The following ZMAT4 variants were observed in gnomAD, a reference collection of about 807,000 sequenced individuals.
ZMAT4 encodes the protein zinc finger matrin-type protein 4.
In ZMAT4, 17 loss-of-function variants were observed where a neutral mutation model predicts 28.7. That is an observed-to-expected ratio of 0.59 (90% confidence interval 0.41 to 0.89). The LOEUF is 0.89. Ranked by LOEUF, ZMAT4 falls within the 40% of genes least tolerant of loss-of-function variation. The pLI is 0.00. For synonymous variants in ZMAT4, 117 were observed against 109.2 expected, an observed-to-expected ratio of 1.07 and a Z score of -0.44; for missense variants, 240 against 283.8, an observed-to-expected ratio of 0.85 and a Z score of 1.11.
intron 3 of ZMAT4, among the ~76,000 whole-genome samples, chr8:40,748,463 C>T (rs936546012): frequency 6.6e-6 from 1 of 152,130 alleles, no homozygotes; most frequent in African/African-American, 2.4e-5. Flanking sequence ...GGGAATACAA[C>T]CAGCTGCTCC....
At chr8:40,842,032 G>A (rs1816721623) in intron 1 of ZMAT4, among the ~76,000 whole-genome samples, 1 of 152,230 alleles carries the variant, frequency 6.6e-6, no homozygotes, top group South Asian at 2.1e-4. Flanking sequence ...ATGCCTCTGT[G>A]ATCAGAAACA....
rs1178533665 is a variant in ZMAT4, at chr8:40,589,568, T to C, written c.578-8307A>G. On this transcript the variant is annotated intron_variant, in intron 5 of 6. Transcript: ENST00000297737. ...CTATATATTTTTAAAGCTTAAAGGT[T>C]TGAAGAAACCATTGGTCCCTCCAGA... 3.3e-5 allele frequency among the ~76,000 whole-genome samples: 5 copies of C among 152,256 alleles called. No homozygotes were observed. In the East Asian group the frequency reaches 9.7e-4, roughly 29 times the overall value.
At chr8:40,868,752 G>A (rs1170882824) in intron 1 of ZMAT4, among the ~76,000 whole-genome samples, 2 of 152,132 alleles carry the variant, frequency 1.3e-5, no homozygotes, top group African/African-American at 4.8e-5. Context: ...TGCCTTAACA[G>A]GCTTTTGAGA....
chr8:40,844,248 G>T (rs1245958109), intron 1 of ZMAT4, among the ~76,000 whole-genome samples: 1 of 152,220 alleles, frequency 6.6e-6, no homozygotes, highest in Non-Finnish European at 1.5e-5. Flanking sequence ...TGGTAAAACA[G>T]TATTTCTGGG....
intron 3 of ZMAT4, among the ~76,000 whole-genome samples, chr8:40,709,873 C>A (rs1810523952): frequency 6.6e-6 from 1 of 151,790 alleles, no homozygotes; most frequent in Non-Finnish European, 1.5e-5. Flanking sequence ...TCTGTCTCTA[C>A]TAAAAATAAA....
intron 5 of ZMAT4, among the ~76,000 whole-genome samples, chr8:40,599,362 A>T (rs4736873): frequency 0.072 from 10,945 of 152,026 alleles, 876 homozygotes; most frequent in East Asian, 0.46. Flanking sequence ...ACACACATAC[A>T]TATGTATACA....
intron 6 of ZMAT4, among the ~76,000 whole-genome samples, chr8:40,558,586 T>A (rs985455908): frequency 6.6e-6 from 1 of 152,058 alleles, no homozygotes; most frequent in African/African-American, 2.4e-5. Flanking sequence ...AATAGTGCTA[T>A]TTAGAAATAA....
At chr8:40,555,400 T>C (rs1803502714) in intron 6 of ZMAT4, among the ~76,000 whole-genome samples, 1 of 152,160 alleles carries the variant, frequency 6.6e-6, no homozygotes. Flanking sequence ...AATCACCATC[T>C]CAGATATACT....
intron 2 of ZMAT4, among the ~76,000 whole-genome samples, chr8:40,824,876 C>G (rs1815976699): frequency 6.6e-6 from 1 of 152,174 alleles, no homozygotes; most frequent in Non-Finnish European, 1.5e-5. Context: ...GTTCTCTTTA[C>G]TCAATCCACA....
intron 5 of ZMAT4, among the ~76,000 whole-genome samples, chr8:40,636,126 C>T (rs1806782164): frequency 6.6e-6 from 1 of 152,206 alleles, no homozygotes; most frequent in Admixed American, 6.5e-5. Context: ...TCATACATGC[C>T]TCTCAATATT....
At chr8:40,740,792 G>A (rs112265670) in intron 3 of ZMAT4, among the ~76,000 whole-genome samples, 1,843 of 152,258 alleles carry the variant, frequency 0.012, 32 homozygotes, top group African/African-American at 0.04. Flanking sequence ...GAACGAACTG[G>A]GGGCTGGTGT....
intron 6 of ZMAT4, among the ~76,000 whole-genome samples, chr8:40,537,087 T>C (rs1342350533): frequency 6.6e-6 from 1 of 152,092 alleles, no homozygotes; most frequent in Non-Finnish European, 1.5e-5. Flanking sequence ...GAAGCCTATG[T>C]AGTCTGATTG....
At chr8:40,556,009 C>A (rs1803522413) in intron 6 of ZMAT4, among the ~76,000 whole-genome samples, 1 of 152,134 alleles carries the variant, frequency 6.6e-6, no homozygotes, top group East Asian at 1.9e-4. Context: ...TGCCAATGGT[C>A]CCCCACCTTA....
chr8:40,732,076 G>A (rs1222910851), intron 3 of ZMAT4, among the ~76,000 whole-genome samples: 4 of 152,134 alleles, frequency 2.6e-5, no homozygotes, highest in Non-Finnish European at 5.9e-5. Flanking sequence ...GGGAATCAGG[G>A]AGGTATTGTT....
At chr8:40,854,458 G>A (rs1485721193) in intron 1 of ZMAT4, among the ~76,000 whole-genome samples, 2 of 151,054 alleles carry the variant, frequency 1.3e-5, no homozygotes, top group African/African-American at 2.5e-5. Flanking sequence ...AGGAATATAA[G>A]AGAACCTCAG....
intron 3 of ZMAT4, among the ~76,000 whole-genome samples, chr8:40,741,926 C>T (rs953657315): frequency 3.9e-5 from 6 of 152,076 alleles, no homozygotes; most frequent in Admixed American, 6.6e-5. Flanking sequence ...AGAAATCTGA[C>T]TAAACTATTT....
intron 1 of ZMAT4, among the ~76,000 whole-genome samples, chr8:40,866,077 G>A (rs1308048205): frequency 2.0e-5 from 3 of 152,152 alleles, no homozygotes; most frequent in African/African-American, 7.2e-5. Context: ...CTAGAACAAG[G>A]CATTCCGAAA....
At chr8:40,823,316 CA>C (rs1815898356) in intron 2 of ZMAT4, among the ~76,000 whole-genome samples, 1 of 152,136 alleles carries the variant, frequency 6.6e-6, no homozygotes, top group South Asian at 2.1e-4. Context: ...TATGGAATTT[CA>C]GAGCAGGGAC....
At chr8:40,656,615 A>G (rs560449438) in intron 5 of ZMAT4, among the ~76,000 whole-genome samples, 5 of 152,308 alleles carry the variant, frequency 3.3e-5, no homozygotes, top group Admixed American at 6.5e-5. Flanking sequence ...TGAATGATGT[A>G]CTGATACATG....
Sources: allele counts gnomAD v4.1 joint callset (sites outside exome capture counted in the v4.1 genomes callset), GRCh38; gene constraint gnomAD v4.1.1; transcripts MANE v1.5; gene names NCBI Gene and HGNC (gene_info 2026-07-23, HGNC 2026-07-21).